FLRT2: variants seen among roughly 807,000 people sequenced by gnomAD.
FLRT2 encodes the protein fibronectin leucine rich transmembrane protein 2.
Under a neutral mutation model 40.0 loss-of-function variants are expected in FLRT2, and 15 were observed. That is an observed-to-expected ratio of 0.38 (90% CI 0.25 to 0.58). The LOEUF (loss-of-function observed/expected upper bound fraction) is 0.58. Among genes scored for constraint, FLRT2 ranks in the 20% least tolerant of loss-of-function variants. FLRT2 has a pLI of 0.71. For synonymous variants in FLRT2, 380 were observed against 336.8 expected, an observed-to-expected ratio of 1.13 and a Z score of -1.41; for missense variants, 726 against 840.0, an observed-to-expected ratio of 0.86 and a Z score of 1.68.
intron 1 of FLRT2, among the ~76,000 whole-genome samples, chr14:85,597,023 A>G (rs1480848624): frequency 1.3e-5 from 2 of 152,146 alleles, no homozygotes; most frequent in Non-Finnish European, 2.9e-5. Context: ...GTTGAGATGA[A>G]AAAAATAGAG....
At chr14:85,613,514 T>G (rs1437284283) in intron 1 of FLRT2, among the ~76,000 whole-genome samples, 2 of 152,224 alleles carry the variant, frequency 1.3e-5, no homozygotes, top group African/African-American at 4.8e-5. Flanking sequence ...CTTAAAACTC[T>G]TGAAAGCTAT....
intron 1 of FLRT2, among the ~76,000 whole-genome samples, chr14:85,608,361 C>G (rs1004506188): frequency 6.6e-6 from 1 of 151,960 alleles, no homozygotes; most frequent in African/African-American, 2.4e-5. Context: ...TTCCAAGCAG[C>G]TGGGATTGCA....
intron 1 of FLRT2, among the ~76,000 whole-genome samples, chr14:85,557,650 C>T (rs1361698935): frequency 6.6e-6 from 1 of 151,952 alleles, no homozygotes; most frequent in East Asian, 1.9e-4. Context: ...AATTTAGTCT[C>T]TACTGAAAAT....
Position 85,622,270 on chromosome 14 carries a change from G to A in FLRT2, c.756G>A (p.Thr252=), listed in dbSNP as rs367888638. The part of the protein sequence containing the change: ...LSHPPPDLPG[T]HLIRLYLQDN... ...ACCCTCCTCCCGATCTCCCAGGTAC[G>A]CATCTGATCAGGCTCTATTTGCAGG... Residue 252 remains threonine, a synonymous_variant, in exon 2 of 2, where the codon ACG becomes ACA. Coordinates refer to ENST00000330753, the MANE Select transcript of FLRT2 (RefSeq NM_013231.6). The A allele has an allele frequency of 7.9e-5, 127 of 1,613,940 alleles. No individual in the cohort carries two copies. Among genetic ancestry groups the A allele is most frequent in the Non-Finnish European group, 1.0e-4 (122 of 1,180,028 alleles).
intron 1 of FLRT2, among the ~76,000 whole-genome samples, chr14:85,564,404 A>G (rs1282529408): frequency 6.6e-6 from 1 of 152,230 alleles, no homozygotes; most frequent in Non-Finnish European, 1.5e-5. Context: ...TTAGAGAAAT[A>G]GAAAGCAATC....
At chr14:85,561,427 G>A (rs1277582658) in intron 1 of FLRT2, 2 of 152,226 alleles carry the variant, frequency 1.3e-5, no homozygotes, top group Admixed American at 6.5e-5. Context: ...GAATAAGCAT[G>A]TGTATTATTC....
rs534954677 is a variant in FLRT2, at chr14:85,593,330, G to A, written c.-376-27809G>A. Among the ~76,000 whole-genome samples the A allele has an allele frequency of 2.6e-5, 4 of 152,244 alleles. No individual in the cohort carries two copies. The South Asian group carries it at 6.2e-4, about 24-fold the overall frequency. On this transcript the variant is annotated intron_variant, in intron 1 of 1. Transcript: ENST00000330753. ...GTCCAGTTCTGTGTGACTTTTGAAAGTCCATGAAATTAACCACTATCTCTT... is the reference window on the plus strand; with the variant it reads ...GTCCAGTTCTGTGTGACTTTTGAAAATCCATGAAATTAACCACTATCTCTT...
chr14:85,615,161 C>A (rs1317217625), intron 1 of FLRT2, among the ~76,000 whole-genome samples: 1 of 152,142 alleles, frequency 6.6e-6, no homozygotes, highest in Non-Finnish European at 1.5e-5. Context: ...TCCTGCAGTT[C>A]CAGATTTTAA....
chr14:85,562,287 G>A (rs1760645611), intron 1 of FLRT2, among the ~76,000 whole-genome samples: 1 of 152,152 alleles, frequency 6.6e-6, no homozygotes, highest in Admixed American at 6.5e-5. Flanking sequence ...CACAGACATA[G>A]ACATTTCTGA....
At chr14:85,560,241 G>C (rs1480697238) in intron 1 of FLRT2, among the ~76,000 whole-genome samples, 1 of 152,076 alleles carries the variant, frequency 6.6e-6, no homozygotes, top group Non-Finnish European at 1.5e-5. Flanking sequence ...TTGAAACTAA[G>C]TCTAGAATCA....
At chr14:85,538,627 G>A (rs2372922) in intron 1 of FLRT2, among the ~76,000 whole-genome samples, 133,584 of 152,066 alleles carry the variant, frequency 0.88, 59,351 homozygotes, top group Middle Eastern at 0.95. Context: ...TTAAGAACCT[G>A]AGGGCTTTTG....
intron 1 of FLRT2, among the ~76,000 whole-genome samples, chr14:85,595,071 G>A (rs373637117): frequency 6.6e-6 from 1 of 152,108 alleles, no homozygotes; most frequent in African/African-American, 2.4e-5. Flanking sequence ...GGAGGGGTTG[G>A]TCTTGCTATC....
chr14:85,579,303 G>A (rs1891283036), intron 1 of FLRT2, among the ~76,000 whole-genome samples: 1 of 152,104 alleles, frequency 6.6e-6, no homozygotes, highest in Non-Finnish European at 1.5e-5. Context: ...ATTTTGAAAT[G>A]TGTGTCTTCT....
In FLRT2 at chr14:85,545,302, G is replaced by A. The variant is rs369028649; in HGVS notation, c.-377+14768G>A. Among the ~76,000 whole-genome samples the A allele has an allele frequency of 7.4e-4, 113 of 152,276 alleles. 3 individuals are homozygous for A. In the South Asian group the frequency reaches 0.012, roughly 16 times the overall value. On this transcript the variant is annotated intron_variant, in intron 1 of 1. Transcript: ENST00000330753. ...ATGTATATTATCTCATCTAAACCTT[G>A]TACAGTAGGTTCTGTTGATAAAAGT...
intron 1 of FLRT2, among the ~76,000 whole-genome samples, chr14:85,615,769 C>T (rs1442918002): frequency 1.9e-5 from 1 of 52,112 alleles, no homozygotes; most frequent in Non-Finnish European, 4.1e-5. Context: ...ACTTCATGCA[C>T]TGTGCTGCCT....
At chr14:85,556,544 G>A (rs1889973982) in intron 1 of FLRT2, among the ~76,000 whole-genome samples, 1 of 152,200 alleles carries the variant, frequency 6.6e-6, no homozygotes, top group South Asian at 2.1e-4. Flanking sequence ...GAGGCAGTTG[G>A]AGAAAATGGC....
At position 85,643,599 on chromosome 14, in the gene FLRT2, G is replaced by T. The variant is rs1331686094; in HGVS notation, c.*20102G>T. 6.6e-6 allele frequency: 1 copy of T among 152,068 alleles called. No homozygotes were observed. Among genetic ancestry groups the T allele is most frequent in the Admixed American group, 6.6e-5 (1 of 15,230 alleles). The allele number at this position is 152,068 out of a possible 1,614,324, so 9.4% of individuals were successfully genotyped here. On this transcript the variant is annotated 3_prime_UTR_variant, in exon 2 of 2. Coordinates refer to ENST00000330753, the MANE Select transcript of FLRT2 (RefSeq NM_013231.6). ...GTAGAGACGGGGTTTCACCATATTA[G>T]CCAGGCTGCTCTCAAACTCCTGACC...
chr14:85,534,143 T>C (rs1888492215), intron 1 of FLRT2, among the ~76,000 whole-genome samples: 1 of 152,120 alleles, frequency 6.6e-6, no homozygotes, highest in African/African-American at 2.4e-5. Context: ...CGCTGGCAGA[T>C]CACTAGTCAC....
chr14:85,597,579 G>A (rs1283590503), intron 1 of FLRT2, among the ~76,000 whole-genome samples: 2 of 152,128 alleles, frequency 1.3e-5, no homozygotes, highest in Admixed American at 6.5e-5. Flanking sequence ...TACTTAAGAT[G>A]GAGTTTTGCT....
Sources: allele counts gnomAD v4.1 joint callset (sites outside exome capture counted in the v4.1 genomes callset), GRCh38; gene constraint gnomAD v4.1.1; transcripts MANE v1.5; gene names NCBI Gene and HGNC (gene_info 2026-07-23, HGNC 2026-07-21).